Variants in DYNLT2 observed in about 807,000 individuals in gnomAD.
DYNLT2 encodes the protein dynein light chain Tctex-type 2, also known as dynein light chain Tctex-type protein 2.
A neutral mutation model predicts 24.3 loss-of-function variants in DYNLT2; 24 were observed. That is an observed-to-expected ratio of 0.99 (90% CI 0.71 to 1.39). The LOEUF is 1.39. Among genes scored for constraint, DYNLT2 ranks in the 40% most tolerant of loss-of-function variants. The probability of loss-of-function intolerance (pLI) is 0.00; values close to 1 mark genes in which losing one functional copy is unlikely to be tolerated. For synonymous variants in DYNLT2, 85 were observed against 85.4 expected (o/e 1.00, Z 0.03); for missense variants, 246 against 234.5 (o/e 1.05, Z -0.32).
At chr6:169,726,633 G>T in the DYNLT2 span, among the ~76,000 whole-genome samples, 692 of 152,296 alleles carry the variant, frequency 4.5e-3, 3 homozygotes, top group African/African-American at 0.016. Context: ...AATCCCAGCT[G>T]TGCCTCTTAT....
rs774340519 is a variant in DYNLT2, at chr6:169,740,225, T to C, written c.557A>G (p.Tyr186Cys). ...GGCAAACACCAAGACCAGTGCCACG[T>C]AGGATTCTGCTTCGTGTTTAGCTGC... ...WVAAKHEAES[Y>C]VALVLVFALY... The change falls in exon 4 of 4, where the codon TAC becomes TGC. Residue 186 changes from tyrosine (Y) to cysteine (C), a missense_variant. Physicochemically the swap from Tyr to Cys is radical, Grantham distance 194. Coordinates refer to ENST00000366774, the MANE Select transcript of DYNLT2 (RefSeq NM_174910.3). 24 of 1,613,986 alleles carry C rather than the reference T, an allele frequency of 1.5e-5. No homozygotes were observed. The Admixed American group carries it at 3.3e-4, about 22-fold the overall frequency.
At chr6:169,734,032 T>G in the DYNLT2 span, among the ~76,000 whole-genome samples, 4 of 152,190 alleles carry the variant, frequency 2.6e-5, no homozygotes, top group Non-Finnish European at 5.9e-5. Context: ...GGTATTTTAT[T>G]CTCTTTGTAG....
rs1789738745 is a variant in DYNLT2 at position 169,744,100 on chromosome 6, A to G, written c.295T>C (p.Ser99Pro). The G allele has an allele frequency of 2.5e-6, 4 of 1,612,766 alleles. No individual in the cohort carries two copies. ...ATCTGCTGGACTTTAGTTTCTACTG[A>G]ATGAGCTTGGAATTTCTTCAATGGC... ...MEPLKKFQAH[S>P]VETKVQQILT... Residue 99 changes from serine (S) to proline (P), a missense_variant, in exon 2 of 4, where the codon TCA becomes CCA. Physicochemically the swap from Ser to Pro is moderately conservative, Grantham distance 74. Transcript: ENST00000366774.
At chr6:169,726,128 G>A in the DYNLT2 span, among the ~76,000 whole-genome samples, 26,431 of 152,186 alleles carry the variant, frequency 0.17, 2,802 homozygotes, top group East Asian at 0.29. Context: ...AAGATCAAAT[G>A]CAAATTTATT....
downstream of DYNLT2, among the ~76,000 whole-genome samples, chr6:169,736,951 A>G (rs2210619): frequency 0.1 from 15,866 of 152,160 alleles, 872 homozygotes; most frequent in African/African-American, 0.12. Context: ...CTGCTACTCC[A>G]ATCAATCGTA....
Position 169,751,397 on chromosome 6 carries a change from T to G in DYNLT2, c.62A>C (p.Gln21Pro), listed in dbSNP as rs1290455131. The change falls in exon 1 of 4, where the codon CAG becomes CCG. Residue 21 changes from glutamine (Q) to proline (P), a missense_variant. Physicochemically the swap from Gln to Pro is moderately conservative, Grantham distance 76 (BLOSUM62 -1). Coordinates refer to ENST00000366774, the MANE Select transcript of DYNLT2 (RefSeq NM_174910.3). ...SPIQTPNQTP[Q>P]QAPVTPRKER... The stretch of plus-strand genomic sequence containing the variant: ...TTTCCTAGGCGTCACCGGAGCCTGC[T>G]GAGGGGTCTGGTTCGGGGTCTGGAT... 1 of 1,614,158 alleles carries G rather than the reference T, an allele frequency of 6.2e-7. No individual in the cohort carries two copies. The highest frequency in any genetic ancestry group is 8.5e-7 in the Non-Finnish European group (1 of 1,180,016).
chr6:169,743,579 A>G (rs1483329637), intron 2 of DYNLT2, among the ~76,000 whole-genome samples: 1 of 152,206 alleles, frequency 6.6e-6, no homozygotes, highest in African/African-American at 2.4e-5. Context: ...TAAAGGAAAG[A>G]AACCTTTTTA....
At chr6:169,725,442 C>G in the DYNLT2 span, 1 of 397,720 alleles carries the variant, frequency 2.5e-6, no homozygotes, top group Non-Finnish European at 4.4e-6. Context: ...GAGGTCACCA[C>G]TGACGACGCC....
At chr6:169,748,191 C>G (rs539680863) in intron 1 of DYNLT2, among the ~76,000 whole-genome samples, 1 of 152,296 alleles carries the variant, frequency 6.6e-6, no homozygotes, top group South Asian at 2.1e-4. Context: ...CTGCACTCAG[C>G]TGAATATTCT....
At chr6:169,745,127 C>T (rs995371853) in intron 1 of DYNLT2, among the ~76,000 whole-genome samples, 6 of 151,500 alleles carry the variant, frequency 4.0e-5, no homozygotes, top group African/African-American at 1.5e-4. Context: ...CAGTCTTGCT[C>T]AGTCGCCCAG....
chr6:169,739,318 A>T (rs1789626261), downstream of DYNLT2, among the ~76,000 whole-genome samples: 1 of 148,050 alleles, frequency 6.8e-6, no homozygotes, highest in South Asian at 2.1e-4. Flanking sequence ...ATGTGCTGGG[A>T]TTATAGGAGT....
At chr6:169,741,392 A>G (rs1053288553) in intron 3 of DYNLT2, among the ~76,000 whole-genome samples, 6 of 152,146 alleles carry the variant, frequency 3.9e-5, no homozygotes, top group African/African-American at 1.2e-4. Context: ...CAGTCAGACA[A>G]GTGACAGAAG....
chr6:169,745,837 GTAA>G (rs1397358724), intron 1 of DYNLT2, among the ~76,000 whole-genome samples: 1 of 152,162 alleles, frequency 6.6e-6, no homozygotes, highest in Non-Finnish European at 1.5e-5. Flanking sequence ...GAAAGAGATT[GTAA>G]TAATTGATAT....
intron 3 of DYNLT2, among the ~76,000 whole-genome samples, chr6:169,742,755 T>C (rs1789707283): frequency 6.6e-6 from 1 of 151,982 alleles, no homozygotes; most frequent in Non-Finnish European, 1.5e-5. Flanking sequence ...CCCACCACCA[T>C]GCCCAGCTAA....
downstream of DYNLT2, among the ~76,000 whole-genome samples, chr6:169,738,232 G>A (rs138034212): frequency 1.6e-3 from 239 of 152,334 alleles, 2 homozygotes; most frequent in African/African-American, 5.5e-3. Context: ...TAGCATGTTA[G>A]GCAGTTGCAA....
downstream of DYNLT2, among the ~76,000 whole-genome samples, chr6:169,736,487 G>T (rs1789565085): frequency 1.3e-5 from 2 of 152,122 alleles, no homozygotes; most frequent in Admixed American, 6.5e-5. Flanking sequence ...CTTCTTTCAG[G>T]AGCTGTTGCA....
chr6:169,738,404 C>G (rs573254443), downstream of DYNLT2, among the ~76,000 whole-genome samples: 29 of 152,340 alleles, frequency 1.9e-4, no homozygotes, highest in South Asian at 4.1e-4. Context: ...GGTTGTGATG[C>G]TAGCCCCAGT....
At position 169,748,186 on chromosome 6, in the gene DYNLT2, C is replaced by T. The variant is rs1789854124; in HGVS notation, c.120+3153G>A. ...CTTCCTCACCAGATGCACTGCTGCA[C>T]TCAGCTGAATATTCTGGGAAACCCT... On this transcript the variant is annotated intron_variant, in intron 1 of 3. Transcript: ENST00000366774. 3.9e-5 allele frequency among the ~76,000 whole-genome samples: 6 copies of T among 152,194 alleles called. No individual in the cohort carries two copies. The South Asian group carries it at 1.2e-3, about 32-fold the overall frequency.
chr6:169,748,108 G>C (rs976884081), intron 1 of DYNLT2, among the ~76,000 whole-genome samples: 1 of 151,898 alleles, frequency 6.6e-6, no homozygotes, highest in African/African-American at 2.4e-5. Flanking sequence ...TTTTTTTTCT[G>C]TTCCTTTTGG....
Sources: gnomAD v4.1 joint callset for allele counts (sites outside exome capture counted in the v4.1 genomes callset) on GRCh38, gnomAD v4.1.1 for gene constraint, MANE v1.5 for transcripts, NCBI Gene and HGNC (gene_info 2026-07-23, HGNC 2026-07-21) for gene names.